Variants in KALRN observed in about 807,000 individuals in gnomAD.
KALRN encodes kalirin RhoGEF kinase.
In KALRN, 70 loss-of-function variants were observed where a neutral mutation model predicts 353.7. The observed-to-expected ratio is 0.20, with a 90% CI of 0.16 to 0.24. The LOEUF (loss-of-function observed/expected upper bound fraction) is 0.24, where lower values mean the gene tolerates loss of function less well. KALRN is among the 10% of genes least tolerant of loss of function. The pLI is 1.00. For missense variants in KALRN, 2,791 were observed against 3,756.7 expected (o/e 0.74, Z 6.72); for synonymous variants, 1,391 against 1,434.8 (o/e 0.97, Z 0.69).
At chr3:124,497,434 T>C (rs914120679) in intron 33 of KALRN, among the ~76,000 whole-genome samples, 1 of 152,158 alleles carries the variant, frequency 6.6e-6, no homozygotes, top group Non-Finnish European at 1.5e-5. Flanking sequence ...TTCATTAGGA[T>C]TTTTCCTATT....
chr3:124,095,053 A>T, intron 1 of KALRN: 2 of 778,416 alleles, frequency 2.6e-6, no homozygotes, highest in South Asian at 1.6e-5. Flanking sequence ...TAGCAAACCC[A>T]TGGAAAGTAA....
At chr3:124,700,889 G>A (rs942124462) in intron 56 of KALRN, among the ~76,000 whole-genome samples, 1 of 152,182 alleles carries the variant, frequency 6.6e-6, no homozygotes, top group Admixed American at 6.5e-5. Flanking sequence ...CCCACAGTCA[G>A]CCCGGTTTTC....
chr3:124,555,476 T>G (rs865815591), intron 33 of KALRN, among the ~76,000 whole-genome samples: 15 of 151,874 alleles, frequency 9.9e-5, no homozygotes, highest in Admixed American at 3.3e-4. Context: ...GTTATCTTGT[T>G]TACTACCTCC....
At chr3:124,231,123 C>T (rs1030016050) in intron 2 of KALRN, among the ~76,000 whole-genome samples, 2 of 152,154 alleles carry the variant, frequency 1.3e-5, no homozygotes, top group African/African-American at 2.4e-5. Flanking sequence ...GCCATGGGAA[C>T]GTACATTGGG....
chr3:124,658,494 G>T lies in KALRN; in HGVS notation c.6100G>T (p.Ala2034Ser). 1 of 1,613,994 alleles carries T rather than the reference G, an allele frequency of 6.2e-7. No homozygotes were observed. Among genetic ancestry groups the T allele is most frequent in the Non-Finnish European group, 8.5e-7 (1 of 1,179,832 alleles). ...TAAGCCGCGCTCAGAGTACATCGTT[G>T]CTGAGTATGACGCCTACTTTGAGGT... Reference protein sequence around the residue: ...QNKPRSEYIVAEYDAYFEEVK... With the variant: ...QNKPRSEYIVSEYDAYFEEVK... Residue 2034 changes from alanine to serine, a missense_variant, in exon 42 of 60, where the codon GCT (alanine) becomes TCT (serine). Transcript: ENST00000682506.
At position 124,634,158 on chromosome 3, in the gene KALRN, G is replaced by A. The variant is rs551044598; in HGVS notation, c.5568+205G>A. Among the ~76,000 whole-genome samples the A allele has an allele frequency of 1.9e-4, 29 of 152,256 alleles. 1 individual carries two copies. The highest frequency in any genetic ancestry group is 7.0e-4 in the African/African-American group (29 of 41,550). ...AACTTCATTCTAGGCAGTGGAGGGG[G>A]TGTGTGCAGAATTCTCAAAGTGGGA... On this transcript the variant is annotated intron_variant, in intron 36 of 59. Coordinates refer to ENST00000682506, the MANE Select transcript of KALRN (RefSeq NM_001388419.1).
chr3:124,362,284 A>G (rs1442069454), intron 10 of KALRN, among the ~76,000 whole-genome samples: 1 of 152,260 alleles, frequency 6.6e-6, no homozygotes, highest in Non-Finnish European at 1.5e-5. Flanking sequence ...AGGCATTTTC[A>G]TAAACCAATT....
In KALRN at chr3:124,643,942, A is replaced by T. The variant is rs186467672; in HGVS notation, c.5664+6639A>T. 6.2e-4 allele frequency among the ~76,000 whole-genome samples: 94 copies of T among 152,338 alleles called. 1 individual carries two copies. Among genetic ancestry groups the T allele is most frequent in the Admixed American group, 5.0e-3 (77 of 15,304 alleles). On this transcript the variant is annotated intron_variant, in intron 37 of 59. Coordinates refer to ENST00000682506, the MANE Select transcript of KALRN (RefSeq NM_001388419.1). ...CAAAAGTAGCTAAAATTTATATTTT[A>T]ATTAGTTAAATAAAATTTTGGTGGA...
At chr3:124,683,621 T>G (rs956496731) in intron 51 of KALRN, among the ~76,000 whole-genome samples, 1 of 152,160 alleles carries the variant, frequency 6.6e-6, no homozygotes, top group African/African-American at 2.4e-5. Flanking sequence ...GCAGAGAAAG[T>G]CAGTTCATCA....
chr3:124,338,481 T>C (rs1307865926), intron 9 of KALRN, among the ~76,000 whole-genome samples: 2 of 152,234 alleles, frequency 1.3e-5, no homozygotes, highest in African/African-American at 2.4e-5. Context: ...TCTAATTTGA[T>C]TGGACTGTTG....
intron 1 of KALRN, among the ~76,000 whole-genome samples, chr3:124,062,563 C>T (rs2042062172): frequency 7.5e-5 from 1 of 13,324 alleles, no homozygotes; most frequent in African/African-American, 8.2e-5. Flanking sequence ...CCTAGAAATC[C>T]ACATCTTTAA....
intron 9 of KALRN, among the ~76,000 whole-genome samples, chr3:124,341,372 G>A (rs147858877): frequency 1.3e-5 from 2 of 152,332 alleles, no homozygotes; most frequent in African/African-American, 2.4e-5. Flanking sequence ...AGGGACCTTG[G>A]CCACATATGC....
intron 26 of KALRN, among the ~76,000 whole-genome samples, chr3:124,476,764 C>G (rs639740): frequency 0.56 from 85,165 of 151,960 alleles, 24,456 homozygotes; most frequent in East Asian, 0.83. Flanking sequence ...TGGCATAGTC[C>G]CTTGCCATGC....
intron 14 of KALRN, among the ~76,000 whole-genome samples, chr3:124,422,037 T>C (rs1461691732): frequency 6.6e-6 from 1 of 152,240 alleles, no homozygotes; most frequent in East Asian, 1.9e-4. Flanking sequence ...TGGCTGAGCT[T>C]ACTAATTGTA....
chr3:124,467,201 C>T (rs1577168695), intron 25 of KALRN, among the ~76,000 whole-genome samples: 2 of 152,306 alleles, frequency 1.3e-5, no homozygotes, highest in East Asian at 3.9e-4. Context: ...CAGCCAGGAG[C>T]AGTGAGGGGT....
chr3:124,160,738 G>A (rs1383272898), intron 1 of KALRN, among the ~76,000 whole-genome samples: 1 of 152,126 alleles, frequency 6.6e-6, no homozygotes, highest in Non-Finnish European at 1.5e-5. Context: ...GGGATAATGG[G>A]ATGCACACTG....
At chr3:124,123,165 A>G (rs1398511310) in intron 1 of KALRN, among the ~76,000 whole-genome samples, 2 of 148,080 alleles carry the variant, frequency 1.4e-5, no homozygotes, top group Non-Finnish European at 3.0e-5. Context: ...GCGCCACTGC[A>G]CTCCAGCCTG....
At chr3:124,107,340 C>T (rs2062403222) in intron 1 of KALRN, among the ~76,000 whole-genome samples, 2 of 152,048 alleles carry the variant, frequency 1.3e-5, no homozygotes, top group Admixed American at 1.3e-4. Context: ...ATGGAAACCA[C>T]ATTTTTTTTT....
intron 37 of KALRN, among the ~76,000 whole-genome samples, chr3:124,650,221 CA>C (rs1403627899): frequency 6.6e-6 from 1 of 152,152 alleles, no homozygotes; most frequent in Non-Finnish European, 1.5e-5. Flanking sequence ...TCCATGGGGA[CA>C]GGGGAAAACC....
Sources: gnomAD v4.1 joint callset for allele counts (sites outside exome capture counted in the v4.1 genomes callset) on GRCh38, gnomAD v4.1.1 for gene constraint, MANE v1.5 for transcripts, NCBI Gene and HGNC (gene_info 2026-07-23, HGNC 2026-07-21) for gene names.